BTD: variants seen among roughly 807,000 people sequenced by gnomAD.
BTD encodes the protein biotinidase, also known as biocytinase.
Under a neutral mutation model 17.7 loss-of-function variants are expected in BTD, and 13 were observed. That is an observed-to-expected ratio of 0.74 (90% CI 0.48 to 1.17). BTD has a LOEUF of 1.17. BTD is among the 50% of genes most tolerant of loss of function. The probability of loss-of-function intolerance (pLI) is 0.00; values close to 1 mark genes in which losing one functional copy is unlikely to be tolerated. For missense variants in BTD, 674 were observed against 650.4 expected (o/e 1.04, Z -0.39); for synonymous variants, 240 against 245.2 (o/e 0.98, Z 0.20).
Position 15,697,400 on chromosome 3 carries a change from C to CA in BTD, c.400-12656dup, listed in dbSNP as rs1169485116. The CA allele has an allele frequency of 3.3e-5, 5 of 152,142 alleles. No individual in the cohort carries two copies. In the East Asian group the frequency reaches 9.7e-4, roughly 29 times the overall value. 9.4% of individuals were successfully genotyped at this position (152,142 alleles called of 1,614,324 possible). A position where few individuals can be genotyped will look rare whatever the true frequency, so the allele number is the denominator to read the frequency against. On this transcript the variant is annotated intron_variant, in intron 3 of 3. Coordinates refer to the BTD transcript ENST00000672141. ...TACATTGCTCAGGGGACCAGTGCAC[C>CA]AAAATCTCAGAAATCATCAATAAAG...
At chr3:15,611,505 A>G (rs1232883675) in intron 1 of BTD, among the ~76,000 whole-genome samples, 6 of 152,152 alleles carry the variant, frequency 3.9e-5, no homozygotes, top group African/African-American at 1.2e-4. Flanking sequence ...TTTTTCCTTT[A>G]TAGTTAGAAA....
chr3:15,616,980 G>A (rs995135010), intron 1 of BTD, among the ~76,000 whole-genome samples: 4 of 151,936 alleles, frequency 2.6e-5, no homozygotes, highest in Non-Finnish European at 2.9e-5. Context: ...CTACAGGCAC[G>A]AGCCACCACA....
At chr3:15,702,040 C>A (rs2070706575) in intron 3 of BTD, among the ~76,000 whole-genome samples, 2 of 152,198 alleles carry the variant, frequency 1.3e-5, no homozygotes, top group African/African-American at 4.8e-5. Flanking sequence ...AATACAATTT[C>A]TTTTATTGGC....
intron 3 of BTD, chr3:15,686,064 G>A (rs752015321): frequency 6.2e-7 from 1 of 1,613,748 alleles, no homozygotes; most frequent in South Asian, 1.1e-5. Flanking sequence ...CCTTTGTTCA[G>A]CAATGAGTAA....
chr3:15,668,489 T>C (rs1032497560), intron 3 of BTD: 1 of 152,516 alleles, frequency 6.6e-6, no homozygotes, highest in African/African-American at 2.4e-5. Context: ...GATGGGGGAT[T>C]AGATTTATAA....
rs147718704 is a variant in BTD, at chr3:15,671,042, C to T, written c.399+28985C>T. 4.9e-3 allele frequency among the ~76,000 whole-genome samples: 746 copies of T among 152,330 alleles called. 4 individuals are homozygous for T. The highest frequency in any genetic ancestry group is 0.013 in the Admixed American group (193 of 15,286). On this transcript the variant is annotated intron_variant, in intron 3 of 3. Coordinates refer to the BTD transcript ENST00000672141. ...TGTGTACAGCTTCATGAATCAGCCA[C>T]AGGGCAGGTGCTCAAAAGATATGTG...
rs1443274190 is a variant in BTD at position 15,644,655 on chromosome 3, G to A, written c.739G>A (p.Val247Met). 6.2e-7 allele frequency: 1 copy of A among 1,614,058 alleles called. No individual in the cohort carries two copies. Among genetic ancestry groups the A allele is most frequent in the East Asian group, 2.2e-5 (1 of 44,894 alleles). Residue 247 changes from valine (V) to methionine (M), a missense_variant, in exon 4 of 4, where the codon GTG becomes ATG. Coordinates refer to ENST00000643237, the MANE Select transcript of BTD (RefSeq NM_001370658.1). ...CAGAGACTACAAGGTGAAGCATGTT[G>A]TGTACCCAACTGCCTGGATGAACCA... ...VLRDYKVKHVVYPTAWMNQLP... is the reference protein window; with the variant it reads ...VLRDYKVKHVMYPTAWMNQLP...
At chr3:15,702,926 A>T (rs1413495030) in intron 3 of BTD, among the ~76,000 whole-genome samples, 1 of 152,118 alleles carries the variant, frequency 6.6e-6, no homozygotes, top group African/African-American at 2.4e-5. Flanking sequence ...CATATATACT[A>T]AACCATTTTA....
intron 3 of BTD, among the ~76,000 whole-genome samples, chr3:15,704,038 T>A (rs1039438067): frequency 1.3e-5 from 2 of 152,144 alleles, no homozygotes; most frequent in African/African-American, 4.8e-5. Flanking sequence ...CTTATATACA[T>A]ACTACACACA....
In BTD at chr3:15,620,450, C is replaced by T. The variant is rs535117395; in HGVS notation, c.-16-14974C>T. On this transcript the variant is annotated intron_variant, in intron 1 of 3. Coordinates refer to ENST00000643237, the MANE Select transcript of BTD (RefSeq NM_001370658.1). ...TCTCTGCAAGAAGAAAAATGTGGCT[C>T]TTTTAGCCCAACCCCACAGGCAGTC... 2.0e-5 allele frequency among the ~76,000 whole-genome samples: 3 copies of T among 152,330 alleles called. No homozygotes were observed. In the South Asian group the frequency reaches 6.2e-4, roughly 32 times the overall value.
chr3:15,635,600 T>A lies in BTD; in HGVS notation c.161T>A (p.Leu54Gln), dbSNP rs1165906787. ...EHPSILSLNP[L>Q]ALISRQEALE... is the part of the protein sequence containing the mutation. The stretch of plus-strand genomic sequence containing the variant: ...CCATCCATCCTGAGTCTGAACCCTC[T>A]GGCTCTCATCAGCCGCCAAGAGGCC... Residue 54 changes from leucine to glutamine, a missense_variant, in exon 2 of 4, where the codon CTG (leucine) becomes CAG (glutamine). Physicochemically the swap from Leu to Gln is moderately radical, Grantham distance 113 (BLOSUM62 -2). Transcript: ENST00000643237. This position sits in a 1 kb window ranked among gnomAD's most constrained non-coding sequence, Gnocchi z 4.1. The A allele has an allele frequency of 6.2e-7, 1 of 1,614,228 alleles. No individual in the cohort carries two copies. Among genetic ancestry groups the A allele is most frequent in the South Asian group, 1.1e-5 (1 of 91,088 alleles).
downstream of BTD, among the ~76,000 whole-genome samples, chr3:15,716,394 T>C (rs2062824): frequency 0.47 from 71,222 of 151,122 alleles, 19,673 homozygotes; most frequent in Non-Finnish European, 0.6. Context: ...AGGGTTCAAG[T>C]GATCTTCTAA....
intron 1 of BTD, among the ~76,000 whole-genome samples, chr3:15,604,246 G>C (rs2064373475): frequency 6.6e-6 from 1 of 152,264 alleles, no homozygotes; most frequent in South Asian, 2.1e-4. Flanking sequence ...TCTAGGCAGA[G>C]GTTCCCAAAC....
At chr3:15,624,435 G>T (rs2065021957) in intron 1 of BTD, among the ~76,000 whole-genome samples, 1 of 151,026 alleles carries the variant, frequency 6.6e-6, no homozygotes, top group Non-Finnish European at 1.5e-5. Flanking sequence ...TTCAGTTTTG[G>T]GCATTTCTAT....
intron 3 of BTD, among the ~76,000 whole-genome samples, chr3:15,671,609 G>C (rs1200781127): frequency 2.1e-5 from 3 of 142,640 alleles, no homozygotes; most frequent in Non-Finnish European, 4.5e-5. Context: ...TTTTGAGACA[G>C]AGTCTGCTCG....
At chr3:15,614,496 C>T (rs1286197794) in intron 1 of BTD, among the ~76,000 whole-genome samples, 2 of 151,692 alleles carry the variant, frequency 1.3e-5, no homozygotes, top group East Asian at 1.9e-4. Context: ...TCTTTTTTTC[C>T]CTTTTGTCAT....
chr3:15,629,814 G>A (rs1258626317), intron 1 of BTD, among the ~76,000 whole-genome samples: 2 of 152,156 alleles, frequency 1.3e-5, no homozygotes, highest in East Asian at 3.8e-4. Context: ...AGGAGACCTG[G>A]CTCCCAGTCT....
At position 15,644,610 on chromosome 3, in the gene BTD, G is replaced by A. The variant is rs1559599486; in HGVS notation, c.694G>A (p.Asp232Asn). ...IFTCFDILFF[D>N]PAIRVLRDYK... is the part of the protein sequence containing the mutation. ...CACATGCTTTGATATATTGTTCTTT[G>A]ACCCTGCCATCAGAGTCCTCAGAGA... The change falls in exon 4 of 4, where the codon GAC becomes AAC. Residue 232 changes from aspartate to asparagine, a missense_variant. Transcript: ENST00000643237. 6.2e-7 allele frequency: 1 copy of A among 1,614,050 alleles called. No homozygotes were observed. The highest frequency in any genetic ancestry group is 8.5e-7 in the Non-Finnish European group (1 of 1,180,006).
chr3:15,640,937 AAAT>A (rs2065484687), intron 2 of BTD, among the ~76,000 whole-genome samples: 1 of 152,166 alleles, frequency 6.6e-6, no homozygotes, highest in Non-Finnish European at 1.5e-5. Context: ...TGCATTCCAG[AAAT>A]AAGTGTCTCA....
Sources: gnomAD v4.1 joint callset for allele counts (sites outside exome capture counted in the v4.1 genomes callset) on GRCh38, gnomAD v4.1.1 for gene constraint, Gnocchi (gnomAD v3.1) non-coding constraint, MANE v1.5 for transcripts, NCBI Gene and HGNC (gene_info 2026-07-23, HGNC 2026-07-21) for gene names.